Variants in BAZ2B observed in about 807,000 individuals in gnomAD.
The protein encoded by BAZ2B is bromodomain adjacent to zinc finger domain protein 2B.
BAZ2B carries 91 observed loss-of-function variants against 246.0 expected under a neutral mutation model. The ratio of observed to expected loss-of-function variants is 0.37; its 90% CI spans 0.31 to 0.44. BAZ2B has a LOEUF of 0.44. Among genes scored for constraint, BAZ2B ranks in the 20% least tolerant of loss-of-function variants. The pLI, the probability that BAZ2B is intolerant of heterozygous loss-of-function variation, is 1.00. For synonymous variants in BAZ2B, 855 were observed against 860.0 expected (o/e 0.99, Z 0.10); for missense variants, 2,332 against 2,533.7 (o/e 0.92, Z 1.71).
At chr2:159,419,513 G>C (rs2068359188) in intron 13 of BAZ2B, among the ~76,000 whole-genome samples, 1 of 152,160 alleles carries the variant, frequency 6.6e-6, no homozygotes. Context: ...AGTCACACTA[G>C]TCATATAGCT....
chr2:159,583,789 C>T (rs1476220307), intron 1 of BAZ2B, among the ~76,000 whole-genome samples: 3 of 151,922 alleles, frequency 2.0e-5, no homozygotes, highest in South Asian at 4.2e-4. Context: ...ACAGGGCAGA[C>T]GGTTTATTTT....
intron 2 of BAZ2B, among the ~76,000 whole-genome samples, chr2:159,537,556 T>C (rs1172848875): frequency 6.6e-6 from 1 of 152,278 alleles, no homozygotes; most frequent in East Asian, 1.9e-4. Context: ...GCTTCGCCTG[T>C]ACCTATAACT....
At chr2:159,606,922 A>ATT (rs5835752) in intron 1 of BAZ2B, among the ~76,000 whole-genome samples, 47,691 of 138,822 alleles carry the variant, frequency 0.34, 8,867 homozygotes, top group South Asian at 0.45. Context: ...TGGGATTTCT[A>ATT]TTTTTTTTTT....
chr2:159,461,871 C>T (rs1242314556), intron 3 of BAZ2B: 1 of 152,706 alleles, frequency 6.5e-6, no homozygotes. Context: ...CCAATCCAAA[C>T]TTTGGAAAAT....
At chr2:159,393,476 GC>G (rs1450378138) in intron 20 of BAZ2B, among the ~76,000 whole-genome samples, 2 of 152,118 alleles carry the variant, frequency 1.3e-5, no homozygotes, top group Non-Finnish European at 2.9e-5. Flanking sequence ...AAGTATTTAT[GC>G]TTAATATGTC....
In BAZ2B at chr2:159,325,674, G is replaced by T. The variant is rs767933377; in HGVS notation, c.6188C>A (p.Ser2063Tyr). ...TSVKKPKRDD[S>Y]KDLALCSMIL... ...ATACCTGCAAAGAGCTAGGTCCTTGGAGTCATCTCTTTTAGGTTTCTTAAC... is the reference window on the plus strand; with the variant it reads ...ATACCTGCAAAGAGCTAGGTCCTTGTAGTCATCTCTTTTAGGTTTCTTAAC... The change falls in exon 35 of 37, where the codon TCC (serine) becomes TAC (tyrosine). Residue 2063 changes from serine (S) to tyrosine (Y), a missense_variant. This residue lies in a region of BAZ2B where 210 missense variants were observed against 232.5 expected (regional missense o/e 0.90). Transcript: ENST00000392783. 6 of 1,591,796 alleles carry T rather than the reference G, an allele frequency of 3.8e-6. No homozygotes were observed. The highest frequency in any genetic ancestry group is 2.6e-6 in the Non-Finnish European group (3 of 1,175,016).
intron 2 of BAZ2B, among the ~76,000 whole-genome samples, chr2:159,537,300 A>G (rs986545481): frequency 5.3e-5 from 8 of 152,224 alleles, no homozygotes; most frequent in Non-Finnish European, 1.2e-4. Context: ...ATAGACTTTT[A>G]GTTTTGAAAG....
chr2:159,422,597 C>T (rs1038858033), intron 13 of BAZ2B, among the ~76,000 whole-genome samples: 3 of 152,064 alleles, frequency 2.0e-5, no homozygotes, highest in Non-Finnish European at 4.4e-5. Flanking sequence ...ATTAACTCTA[C>T]ATGTATTAAA....
At chr2:159,592,913 A>C (rs1022358417) in intron 1 of BAZ2B, among the ~76,000 whole-genome samples, 1 of 152,174 alleles carries the variant, frequency 6.6e-6, no homozygotes, top group South Asian at 2.1e-4. Context: ...GAATTAGATA[A>C]ATTGATAAAG....
downstream of BAZ2B, among the ~76,000 whole-genome samples, chr2:159,316,676 C>A (rs1321985059): frequency 6.5e-5 from 6 of 92,594 alleles, no homozygotes; most frequent in African/African-American, 2.6e-4. Flanking sequence ...GGTGACAGAG[C>A]AAGACTCCAT....
chr2:159,394,952 C>T (rs1559245111), intron 20 of BAZ2B, among the ~76,000 whole-genome samples: 1 of 152,140 alleles, frequency 6.6e-6, no homozygotes, highest in South Asian at 2.1e-4. Flanking sequence ...ACCTATATTG[C>T]TAATTTAAGC....
chr2:159,480,164 T>C (rs1167655667), intron 2 of BAZ2B, among the ~76,000 whole-genome samples: 2 of 152,114 alleles, frequency 1.3e-5, no homozygotes, highest in South Asian at 2.1e-4. Context: ...TACCTAGAAG[T>C]GAGTTTAGGA....
At chr2:159,390,541 T>C (rs1262556283) in intron 20 of BAZ2B, among the ~76,000 whole-genome samples, 6 of 152,168 alleles carry the variant, frequency 3.9e-5, no homozygotes. Flanking sequence ...ATTACTATTT[T>C]TGCCCATATT....
chr2:159,373,204 G>A lies in BAZ2B; in HGVS notation c.4069-15C>T, dbSNP rs2061039718. The A allele has an allele frequency of 1.3e-6, 2 of 1,597,404 alleles. No homozygotes were observed. Among genetic ancestry groups the A allele is most frequent in the Admixed American group, 1.7e-5 (1 of 57,302 alleles). ...TGACTCTGTTGCTGTTAAAAAAATG[G>A]TACATATAATTAGGTTTGGGATGTT... On this transcript the variant is annotated splice_polypyrimidine_tract_variant and intron_variant, in intron 26 of 36. Transcript: ENST00000392783.
chr2:159,509,657 C>A (rs1443667950), intron 2 of BAZ2B, among the ~76,000 whole-genome samples: 2 of 152,096 alleles, frequency 1.3e-5, no homozygotes, highest in African/African-American at 2.4e-5. Flanking sequence ...AAAATTACTA[C>A]ATGAATTGAA....
At chr2:159,578,900 C>G (rs1578571960) in intron 1 of BAZ2B, among the ~76,000 whole-genome samples, 1 of 152,060 alleles carries the variant, frequency 6.6e-6, no homozygotes, top group Non-Finnish European at 1.5e-5. Context: ...CAACATACCA[C>G]CACCTCTGGG....
At chr2:159,694,102 G>A in the BAZ2B span, 4 of 152,106 alleles carry the variant, frequency 2.6e-5, no homozygotes, top group Admixed American at 2.0e-4. Context: ...AAGGTAAAAT[G>A]TCATATATGT....
chr2:159,682,195 T>G, the BAZ2B span, among the ~76,000 whole-genome samples: 8 of 146,498 alleles, frequency 5.5e-5, no homozygotes, highest in African/African-American at 1.7e-4. Context: ...CAGGCTCTTT[T>G]TTTTTTTTTT....
At chr2:159,405,214 T>A in intron 14 of BAZ2B, 100 bp from the exon 15 acceptor site, 2 of 940,774 alleles carry the variant, frequency 2.1e-6, no homozygotes, top group Non-Finnish European at 3.0e-6. Flanking sequence ...AGGATATAAT[T>A]ATTACTTTTT....
Sources: allele counts gnomAD v4.1 joint callset (sites outside exome capture counted in the v4.1 genomes callset), GRCh38; gene constraint gnomAD v4.1.1; regional missense constraint gnomAD v4.1.1; transcripts MANE v1.5; gene names NCBI Gene and HGNC (gene_info 2026-07-23, HGNC 2026-07-21).